Variants in STAB2 observed in about 807,000 individuals in gnomAD.
STAB2 encodes the protein stabilin 2.
A neutral mutation model predicts 338.1 loss-of-function variants in STAB2; 288 were observed. The ratio of observed to expected loss-of-function variants is 0.85; its 90% CI spans 0.77 to 0.94. The LOEUF is 0.94. STAB2 is among the 40% of genes least tolerant of loss of function. STAB2 has a pLI of 0.00. For synonymous variants in STAB2, 1,202 were observed against 1,193.3 expected, an observed-to-expected ratio of 1.01 and a Z score of -0.15; for missense variants, 3,141 against 3,210.1, an observed-to-expected ratio of 0.98 and a Z score of 0.52.
chr12:103,740,780 G>T (rs370326061), intron 55 of STAB2, 24 bp downstream of exon 55: 3 of 1,551,036 alleles, frequency 1.9e-6, no homozygotes, highest in African/African-American at 2.8e-5. Context: ...TTCCCCCCTC[G>T]CAACTCTAAA....
chr12:103,607,901 T>C (rs1417075788), intron 3 of STAB2, among the ~76,000 whole-genome samples: 5 of 152,152 alleles, frequency 3.3e-5, no homozygotes, highest in Admixed American at 3.3e-4. Context: ...GGGATATACC[T>C]AGTAATGGGA....
intron 12 of STAB2, among the ~76,000 whole-genome samples, chr12:103,653,531 C>T (rs886698244): frequency 4.7e-5 from 7 of 149,350 alleles, no homozygotes; most frequent in Admixed American, 2.7e-4. Flanking sequence ...ATGGATGATG[C>T]ATGGATGGAT....
intron 3 of STAB2, among the ~76,000 whole-genome samples, chr12:103,617,431 G>A (rs1354562641): frequency 6.6e-6 from 1 of 152,192 alleles, no homozygotes; most frequent in African/African-American, 2.4e-5. Context: ...CATTCGTTAA[G>A]CACCTAATAT....
intron 34 of STAB2, among the ~76,000 whole-genome samples, chr12:103,699,759 AAACC>A (rs1428712641): frequency 6.6e-6 from 1 of 152,218 alleles, no homozygotes; most frequent in African/African-American, 2.4e-5. Flanking sequence ...AGTAAAGCCT[AAACC>A]AGACTGTCAA....
chr12:103,717,639 T>C, intron 43 of STAB2, 131 bp from the exon 44 acceptor site: 1 of 706,584 alleles, frequency 1.4e-6, no homozygotes, highest in East Asian at 2.6e-5. Flanking sequence ...AAAATAGATA[T>C]TACCAACGTC....
Position 103,715,831 on chromosome 12 carries a change from G to T in STAB2, c.4554G>T (p.Leu1518Phe), listed in dbSNP as rs1203888468. The change falls in exon 43 of 69, where the codon TTG becomes TTT. Residue 1518 changes from leucine to phenylalanine, a missense_variant. Physicochemically the swap from Leu to Phe is conservative, Grantham distance 22 (BLOSUM62 0). Transcript: ENST00000388887. ...GIVCLEINPC[L>F]ENHGGCDKNA... is the part of the protein sequence containing the mutation. ...GTTTTAAAGAAATCAACCCGTGTTT[G>T]GAGAACCATGGTGGCTGTGACAAGA... The T allele has an allele frequency of 6.2e-7, 1 of 1,614,106 alleles. No homozygotes were observed. Among genetic ancestry groups the T allele is most frequent in the Admixed American group, 1.7e-5 (1 of 60,022 alleles).
chr12:103,741,234 C>A (rs1882559665), intron 55 of STAB2, among the ~76,000 whole-genome samples: 1 of 152,124 alleles, frequency 6.6e-6, no homozygotes, highest in African/African-American at 2.4e-5. Flanking sequence ...GGGCTCCTTG[C>A]CAAAGCACAT....
rs141041254 is a variant in STAB2 at position 103,759,154 on chromosome 12, G to A, written c.7129G>A (p.Glu2377Lys). ...ENETLSGRDI[E>K]HHLANVSMFF... ...TCAGACCTTGTCTGGGCGGGACATC[G>A]AGCACCACCTCGCCAATGTCAGCAT... Residue 2377 changes from glutamate (E) to lysine (K), a missense_variant, in exon 65 of 69, where the codon GAG becomes AAG. Transcript: ENST00000388887. The A allele has an allele frequency of 8.4e-4, 1,363 of 1,613,954 alleles. No homozygotes were observed. The highest frequency in any genetic ancestry group is 1.1e-3 in the Non-Finnish European group (1,280 of 1,180,036).
At chr12:103,679,650 G>A (rs2138855808) in intron 25 of STAB2, among the ~76,000 whole-genome samples, 1 of 152,292 alleles carries the variant, frequency 6.6e-6, no homozygotes, top group Middle Eastern at 3.4e-3. Context: ...AAATCTTTCA[G>A]TTATAACAGA....
In STAB2 at chr12:103,708,469, C is replaced by T; in HGVS notation, c.4221C>T (p.Asn1407=). The T allele has an allele frequency of 6.2e-7, 1 of 1,614,088 alleles. No homozygotes were observed. Among genetic ancestry groups the T allele is most frequent in the Non-Finnish European group, 8.5e-7 (1 of 1,179,972 alleles). Residue 1407 remains asparagine, a synonymous_variant, in exon 39 of 69, where the codon AAC becomes AAT. Coordinates refer to ENST00000388887, the MANE Select transcript of STAB2 (RefSeq NM_017564.10). ...QACSCVHGRC[N]QGPLGDGSCD... ...GTTCTTGTGTCCATGGGAGATGCAA[C>T]CAAGGACCCTTGGGAGATGGCTCCT... is the stretch of plus-strand genomic sequence containing the variant.
chr12:103,675,212 G>T (rs1292188879), intron 23 of STAB2, among the ~76,000 whole-genome samples: 1 of 152,126 alleles, frequency 6.6e-6, no homozygotes, highest in Non-Finnish European at 1.5e-5. Context: ...TCTATCATAG[G>T]CCACTCAACA....
At chr12:103,711,094 TAGAA>T (rs1285022839) in intron 39 of STAB2, among the ~76,000 whole-genome samples, 1 of 152,130 alleles carries the variant, frequency 6.6e-6, no homozygotes, top group Non-Finnish European at 1.5e-5. Flanking sequence ...AGGAATAAAC[TAGAA>T]AGAATAGCAT....
chr12:103,631,755 C>T, intron 6 of STAB2, 62 bp downstream of exon 6: 1 of 1,516,274 alleles, frequency 6.6e-7, no homozygotes, highest in Non-Finnish European at 9.2e-7. Context: ...GTATGCATTT[C>T]AATTTTGTAT....
intron 54 of STAB2, 103 bp from the exon 55 acceptor site, chr12:103,740,527 T>C: frequency 6.8e-7 from 1 of 1,467,806 alleles, no homozygotes; most frequent in Non-Finnish European, 9.0e-7. Flanking sequence ...TCCCATTTTT[T>C]ATTTGGGCAG....
Position 103,706,863 on chromosome 12 carries a change from C to T in STAB2, c.4068C>T (p.Cys1356=), listed in dbSNP as rs566390778. The T allele has an allele frequency of 6.4e-5, 104 of 1,614,232 alleles. 1 individual carries two copies. The South Asian group carries it at 9.9e-4, about 15-fold the overall frequency. Residue 1356 remains cysteine (C), a synonymous_variant, in exon 38 of 69, where the codon TGC becomes TGT. Coordinates refer to ENST00000388887, the MANE Select transcript of STAB2 (RefSeq NM_017564.10). ...GCCCAGGGAATGCCCAGAATGTCTG[C>T]TTTGGTAATGGCATCTGTTTGGATG... ...QPCPGNAQNV[C]FGNGICLDGV...
chr12:103,644,821 G>A (rs1370786588), intron 9 of STAB2, among the ~76,000 whole-genome samples: 1 of 152,198 alleles, frequency 6.6e-6, no homozygotes, highest in Non-Finnish European at 1.5e-5. Context: ...TGGGTTGTTT[G>A]TAGCACAAAG....
chr12:103,616,323 C>A (rs1226067253), intron 3 of STAB2, among the ~76,000 whole-genome samples: 1 of 152,078 alleles, frequency 6.6e-6, no homozygotes, highest in East Asian at 1.9e-4. Context: ...TGATGGAAGT[C>A]AAATCTGCCT....
intron 22 of STAB2, among the ~76,000 whole-genome samples, chr12:103,671,417 C>T (rs1217501729): frequency 2.6e-5 from 4 of 152,104 alleles, no homozygotes; most frequent in African/African-American, 9.7e-5. Flanking sequence ...AGCCACTGCA[C>T]TCCAGCCTGG....
chr12:103,755,274 A>C (rs1383555130), intron 61 of STAB2, 28 bp from the exon 62 acceptor site: 1 of 1,608,148 alleles, frequency 6.2e-7, no homozygotes, highest in Non-Finnish European at 8.5e-7. Context: ...CTTGCAGCTG[A>C]CCCATGGCCC....
Sources: allele counts gnomAD v4.1 joint callset (sites outside exome capture counted in the v4.1 genomes callset), GRCh38; gene constraint gnomAD v4.1.1; transcripts MANE v1.5; gene names NCBI Gene and HGNC (gene_info 2026-07-23, HGNC 2026-07-21).